The following NUP93 variants were observed in gnomAD, a reference collection of about 807,000 sequenced individuals.
NUP93 encodes nuclear pore complex protein Nup93.
Under a neutral mutation model 107.8 loss-of-function variants are expected in NUP93, and 55 were observed. The observed-to-expected ratio is 0.51, with a 90% CI of 0.41 to 0.64. The LOEUF (loss-of-function observed/expected upper bound fraction) is 0.64, where lower values mean the gene tolerates loss of function less well. NUP93 is among the 30% of genes least tolerant of loss of function. NUP93 has a pLI of 0.00. For synonymous variants in NUP93, 390 were observed against 397.5 expected, an observed-to-expected ratio of 0.98 and a Z score of 0.22; for missense variants, 937 against 1,044.7, an observed-to-expected ratio of 0.90 and a Z score of 1.42.
intron 9 of NUP93, among the ~76,000 whole-genome samples, chr16:56,830,281 C>A (rs1407732140): frequency 6.6e-6 from 1 of 152,130 alleles, no homozygotes; most frequent in Admixed American, 6.5e-5. Flanking sequence ...CAAAGCACTT[C>A]AGAGGAAAAG....
intron 1 of NUP93, among the ~76,000 whole-genome samples, chr16:56,732,681 G>C (rs1389042655): frequency 1.3e-5 from 2 of 152,220 alleles, no homozygotes; most frequent in Admixed American, 6.5e-5. Context: ...ATGTGCCAAG[G>C]AGGGGGACAG....
chr16:56,754,300 C>T (rs1358470157), intron 2 of NUP93, among the ~76,000 whole-genome samples: 3 of 152,122 alleles, frequency 2.0e-5, no homozygotes, highest in Non-Finnish European at 2.9e-5. Context: ...GGACACAGAG[C>T]CAAACCATAT....
At chr16:56,837,556 C>G in intron 17 of NUP93, 52 bp from the exon 18 acceptor site, 1 of 1,423,804 alleles carries the variant, frequency 7.0e-7, no homozygotes, top group Non-Finnish European at 9.9e-7. Flanking sequence ...ATAGTTGTTC[C>G]TTTTATTGAT....
intron 3 of NUP93, among the ~76,000 whole-genome samples, chr16:56,767,288 C>A (rs1294635456): frequency 2.6e-5 from 4 of 152,240 alleles, no homozygotes; most frequent in Admixed American, 1.3e-4. Context: ...GCACTTGAAG[C>A]ACTGCAGCAG....
At chr16:56,736,831 A>G (rs370270638) in intron 1 of NUP93, among the ~76,000 whole-genome samples, 6 of 152,360 alleles carry the variant, frequency 3.9e-5, no homozygotes, top group East Asian at 1.9e-4. Context: ...TTAGAGCAAT[A>G]TTAAAATTAA....
At chr16:56,798,871 C>CA (rs1184872315) in intron 4 of NUP93, among the ~76,000 whole-genome samples, 3,951 of 82,762 alleles carry the variant, frequency 0.048, 72 homozygotes, top group African/African-American at 0.05. Flanking sequence ...GACCCTGTCT[C>CA]AAAAAAAAAA....
At chr16:56,828,326 T>TG (rs1417706956) in intron 8 of NUP93, among the ~76,000 whole-genome samples, 1 of 152,030 alleles carries the variant, frequency 6.6e-6, no homozygotes. Flanking sequence ...ATTTAAAAAC[T>TG]GTAAAGGACA....
intron 1 of NUP93, among the ~76,000 whole-genome samples, chr16:56,733,001 A>G (rs978612324): frequency 1.3e-5 from 2 of 152,176 alleles, no homozygotes; most frequent in African/African-American, 4.8e-5. Context: ...AGGGGTTGGC[A>G]TAGGTGGGAC....
chr16:56,824,110 C>A (rs1220248224), intron 8 of NUP93, among the ~76,000 whole-genome samples: 2 of 152,118 alleles, frequency 1.3e-5, no homozygotes, highest in Non-Finnish European at 2.9e-5. Flanking sequence ...TTTTCTTTCT[C>A]CACACTCTCT....
chr16:56,785,178 G>C (rs1337010886), intron 3 of NUP93, among the ~76,000 whole-genome samples: 4 of 152,208 alleles, frequency 2.6e-5, no homozygotes, highest in African/African-American at 9.6e-5. Flanking sequence ...TTTAACTGCA[G>C]ATTTGTTTGC....
chr16:56,838,763 G>C (rs1401787911), intron 18 of NUP93, among the ~76,000 whole-genome samples, 189 bp from the exon 19 acceptor site: 1 of 151,580 alleles, frequency 6.6e-6, no homozygotes, highest in Non-Finnish European at 1.5e-5. Context: ...ATGGGGTCTC[G>C]CTGTGTGTCC....
In NUP93 at chr16:56,753,908, A is replaced by T. The variant is rs139745168; in HGVS notation, c.180-4630A>T. The stretch of plus-strand genomic sequence containing the variant: ...AAATAGGTAGGGATGTAGATGAAAC[A>T]GGGTTGGCTACGACATGCAAATTGT... On this transcript the variant is annotated intron_variant, in intron 2 of 21. Transcript: ENST00000308159. 2.4e-3 allele frequency among the ~76,000 whole-genome samples: 365 copies of T among 152,264 alleles called. 1 individual carries two copies. Among genetic ancestry groups the T allele is most frequent in the Admixed American group, 4.5e-3 (69 of 15,296 alleles).
At chr16:56,821,719 C>T (rs1162383971) in intron 7 of NUP93, 126 bp downstream of exon 7, 2 of 583,754 alleles carry the variant, frequency 3.4e-6, no homozygotes, top group Non-Finnish European at 6.1e-6. Context: ...GTTAACTGTT[C>T]TTCAGTTTTA....
intron 3 of NUP93, among the ~76,000 whole-genome samples, chr16:56,760,474 A>G (rs1380974393): frequency 1.3e-5 from 2 of 152,218 alleles, no homozygotes; most frequent in African/African-American, 4.8e-5. Context: ...TAAAACCAGC[A>G]TCTGCTTCTG....
intron 3 of NUP93, among the ~76,000 whole-genome samples, chr16:56,774,178 CTGAT>C (rs1237298713): frequency 6.6e-6 from 1 of 152,144 alleles, no homozygotes; most frequent in South Asian, 2.1e-4. Context: ...ATTATCCTCT[CTGAT>C]TGCTGTGAGC....
chr16:56,797,260 T>C (rs1220135327), intron 3 of NUP93, among the ~76,000 whole-genome samples: 3 of 152,178 alleles, frequency 2.0e-5, no homozygotes, highest in Non-Finnish European at 4.4e-5. Flanking sequence ...ACAGAGTGAT[T>C]TTAGACATGT....
At chr16:56,807,406 A>C (rs1007348122) in intron 5 of NUP93, among the ~76,000 whole-genome samples, 1 of 152,068 alleles carries the variant, frequency 6.6e-6, no homozygotes, top group Non-Finnish European at 1.5e-5. Flanking sequence ...ACATCCTTCT[A>C]TGTGCCATAG....
intron 1 of NUP93, among the ~76,000 whole-genome samples, chr16:56,743,180 A>G (rs1198030188): frequency 6.6e-6 from 1 of 152,226 alleles, no homozygotes; most frequent in East Asian, 1.9e-4. Context: ...TAAGACTCAC[A>G]TGTTAATAGT....
chr16:56,841,984 G>C (rs981299756), intron 21 of NUP93, 151 bp downstream of exon 21: 14 of 891,852 alleles, frequency 1.6e-5, no homozygotes, highest in Non-Finnish European at 2.1e-5. Context: ...GGCTCCCAGA[G>C]GAAATCAAAT....
Sources: gnomAD v4.1 joint callset for allele counts (sites outside exome capture counted in the v4.1 genomes callset) on GRCh38, gnomAD v4.1.1 for gene constraint, MANE v1.5 for transcripts, NCBI Gene and HGNC (gene_info 2026-07-23, HGNC 2026-07-21) for gene names.